CTNNA3: variants seen among roughly 807,000 people sequenced by gnomAD.
CTNNA3 encodes catenin alpha 3, also known as catenin alpha-3.
A neutral mutation model predicts 95.7 loss-of-function variants in CTNNA3; 76 were observed. The ratio of observed to expected loss-of-function variants is 0.79; its 90% CI spans 0.66 to 0.96. The LOEUF (loss-of-function observed/expected upper bound fraction) is 0.96. Among genes scored for constraint, CTNNA3 ranks in the 40% least tolerant of loss-of-function variants. CTNNA3 has a pLI of 0.00. For synonymous variants in CTNNA3, 431 were observed against 374.4 expected, an observed-to-expected ratio of 1.15 and a Z score of -1.74; for missense variants, 1,191 against 1,089.8, an observed-to-expected ratio of 1.09 and a Z score of -1.31.
intron 7 of CTNNA3, among the ~76,000 whole-genome samples, chr10:66,919,428 T>C (rs532385580): frequency 6.6e-6 from 1 of 152,280 alleles, no homozygotes; most frequent in Non-Finnish European, 1.5e-5. Context: ...ATTTCTGTAT[T>C]CCCATATTTA....
At chr10:66,239,892 T>TA (rs1266015363) in intron 13 of CTNNA3, among the ~76,000 whole-genome samples, 4 of 151,626 alleles carry the variant, frequency 2.6e-5, no homozygotes, top group Admixed American at 2.0e-4. Flanking sequence ...CCCACTATTC[T>TA]AAAAAAAAGA....
At chr10:66,015,485 C>T (rs912477677) in intron 15 of CTNNA3, among the ~76,000 whole-genome samples, 3 of 152,124 alleles carry the variant, frequency 2.0e-5, no homozygotes, top group Admixed American at 6.5e-5. Context: ...TATGTATTGT[C>T]AATAAGTGCT....
intron 7 of CTNNA3, among the ~76,000 whole-genome samples, chr10:66,915,377 G>A (rs533124302): frequency 1.4e-3 from 215 of 152,132 alleles, no homozygotes; most frequent in African/African-American, 5.0e-3. Context: ...CAAAGATTCT[G>A]AGGGAAAATT....
chr10:66,729,530 G>A (rs796387470), intron 9 of CTNNA3, among the ~76,000 whole-genome samples: 41 of 152,324 alleles, frequency 2.7e-4, no homozygotes, highest in African/African-American at 9.9e-4. Context: ...TCTAAGTGAA[G>A]TAACTCAGGA....
intron 11 of CTNNA3, among the ~76,000 whole-genome samples, chr10:66,390,882 T>G (rs1382652791): frequency 6.6e-6 from 1 of 152,144 alleles, no homozygotes; most frequent in Non-Finnish European, 1.5e-5. Flanking sequence ...AAGTCCCTTC[T>G]TCCTCTTTAC....
chr10:66,602,465 T>C (rs1347299013), intron 10 of CTNNA3, among the ~76,000 whole-genome samples: 1 of 151,782 alleles, frequency 6.6e-6, no homozygotes, highest in Non-Finnish European at 1.5e-5. Context: ...TACTGATTAA[T>C]AATCAGTGAA....
At chr10:67,759,790 C>T (rs1035058860) in intron 1 of CTNNA3, among the ~76,000 whole-genome samples, 4 of 152,128 alleles carry the variant, frequency 2.6e-5, no homozygotes, top group African/African-American at 9.7e-5. Flanking sequence ...AGTGGGTAGC[C>T]TATAGGAACT....
intron 8 of CTNNA3, 124 bp from the exon 9 acceptor site, chr10:66,766,540 A>G (rs1839866274): frequency 1.3e-6 from 1 of 763,514 alleles, no homozygotes; most frequent in Non-Finnish European, 2.0e-6. Flanking sequence ...TAAAATCACA[A>G]TACTTAAAGA....
chr10:66,787,916 C>T (rs1370069394), intron 7 of CTNNA3, among the ~76,000 whole-genome samples: 3 of 152,160 alleles, frequency 2.0e-5, no homozygotes, highest in Non-Finnish European at 4.4e-5. Context: ...ATCTGAGAGA[C>T]AGAACTAAAT....
intron 1 of CTNNA3, among the ~76,000 whole-genome samples, chr10:67,658,074 C>T (rs1170643187): frequency 1.3e-5 from 2 of 152,046 alleles, no homozygotes; most frequent in South Asian, 4.1e-4. Context: ...CTAAAGAGTT[C>T]TTAAATTCTC....
chr10:66,050,516 C>T (rs1359605409), intron 15 of CTNNA3, among the ~76,000 whole-genome samples: 1 of 151,976 alleles, frequency 6.6e-6, no homozygotes, highest in African/African-American at 2.4e-5. Flanking sequence ...TAGCCTCAAG[C>T]TCCTGGGCTT....
chr10:66,926,044 G>A (rs767420371), intron 7 of CTNNA3: 3 of 456,834 alleles, frequency 6.6e-6, no homozygotes, highest in African/African-American at 2.0e-5. Flanking sequence ...GCAACAGTCC[G>A]AGCAGCTTTC....
intron 11 of CTNNA3, among the ~76,000 whole-genome samples, chr10:66,468,312 C>T (rs1839002424): frequency 6.6e-6 from 1 of 152,004 alleles, no homozygotes; most frequent in South Asian, 2.1e-4. Flanking sequence ...TGTTATCTGA[C>T]TAAATTGTTG....
intron 15 of CTNNA3, among the ~76,000 whole-genome samples, chr10:66,041,894 T>G (rs564060804): frequency 3.3e-5 from 5 of 152,302 alleles, no homozygotes; most frequent in Admixed American, 2.0e-4. Flanking sequence ...AAATGAATAA[T>G]TGTGGCCATT....
intron 9 of CTNNA3, among the ~76,000 whole-genome samples, chr10:66,627,090 T>A (rs2394218): frequency 0.41 from 62,088 of 151,908 alleles, 12,901 homozygotes; most frequent in Middle Eastern, 0.55. Flanking sequence ...CATGTGTGGG[T>A]TAGCGTAGGA....
chr10:66,022,468 C>A (rs985689821), intron 15 of CTNNA3, among the ~76,000 whole-genome samples: 5 of 152,088 alleles, frequency 3.3e-5, no homozygotes, highest in African/African-American at 9.7e-5. Context: ...AAAGAATTCA[C>A]TGTTCCATGA....
intron 14 of CTNNA3, among the ~76,000 whole-genome samples, chr10:66,073,809 A>G (rs1415212025): frequency 1.3e-5 from 2 of 151,990 alleles, no homozygotes; most frequent in Non-Finnish European, 2.9e-5. Context: ...ACATCACCTT[A>G]TCAAATAAAG....
chr10:67,723,961 G>C (rs1267129127), intron 1 of CTNNA3, among the ~76,000 whole-genome samples: 1 of 152,154 alleles, frequency 6.6e-6, no homozygotes, highest in African/African-American at 2.4e-5. Flanking sequence ...GGGACGAGGA[G>C]CTGGCAAACA....
chr10:66,862,052 TAAAAATAC>T (rs1843953894), intron 7 of CTNNA3, among the ~76,000 whole-genome samples: 2 of 151,954 alleles, frequency 1.3e-5, no homozygotes, highest in Non-Finnish European at 2.9e-5. Context: ...CCGTCACTAT[TAAAAATAC>T]AAAAATTAGC....
Sources: gnomAD v4.1 joint callset for allele counts (sites outside exome capture counted in the v4.1 genomes callset) on GRCh38, gnomAD v4.1.1 for gene constraint, MANE v1.5 for transcripts, NCBI Gene and HGNC (gene_info 2026-07-23, HGNC 2026-07-21) for gene names.